The following CNTNAP5 variants were observed in gnomAD, a reference collection of about 807,000 sequenced individuals.
CNTNAP5 encodes the protein contactin-associated protein-like 5.
In CNTNAP5, 72 loss-of-function variants were observed where a neutral mutation model predicts 150.2. The observed-to-expected ratio is 0.48, with a 90% CI of 0.40 to 0.58. CNTNAP5 has a LOEUF of 0.58. Among genes scored for constraint, CNTNAP5 ranks in the 20% least tolerant of loss-of-function variants. The probability of loss-of-function intolerance (pLI) is 0.00; values close to 1 mark genes in which losing one functional copy is unlikely to be tolerated. For missense variants in CNTNAP5, 1,636 were observed against 1,626.2 expected (o/e 1.01, Z -0.10); for synonymous variants, 672 against 619.8 (o/e 1.08, Z -1.25).
chr2:124,366,814 C>T (rs1209157424), intron 3 of CNTNAP5, among the ~76,000 whole-genome samples: 1 of 152,090 alleles, frequency 6.6e-6, no homozygotes, highest in African/African-American at 2.4e-5. Flanking sequence ...CTTATCCCAG[C>T]CTCGCTCCTA....
At chr2:124,633,756 C>A (rs547505587) in intron 12 of CNTNAP5, among the ~76,000 whole-genome samples, 1 of 152,306 alleles carries the variant, frequency 6.6e-6, no homozygotes, top group Admixed American at 6.5e-5. Context: ...TACAGGCTTT[C>A]CAAATAATTT....
chr2:124,096,267 T>C (rs1016704568), intron 1 of CNTNAP5, among the ~76,000 whole-genome samples: 4 of 152,208 alleles, frequency 2.6e-5, no homozygotes, highest in Non-Finnish European at 5.9e-5. Context: ...CTGAATTTTT[T>C]TCATATTTTA....
At chr2:124,226,817 A>T (rs1370925590) in intron 2 of CNTNAP5, among the ~76,000 whole-genome samples, 1 of 152,092 alleles carries the variant, frequency 6.6e-6, no homozygotes, top group Non-Finnish European at 1.5e-5. Context: ...CAGAGTCTCG[A>T]GACAGCCCAG....
At chr2:124,829,924 G>A (rs1265247813) in intron 19 of CNTNAP5, among the ~76,000 whole-genome samples, 1 of 151,484 alleles carries the variant, frequency 6.6e-6, no homozygotes, top group Non-Finnish European at 1.5e-5. Flanking sequence ...CTTTTATAAA[G>A]TTTATGTAGT....
rs189728697 is a variant in CNTNAP5, at chr2:124,648,178, T to C, written c.2077+220T>C. 1.8e-4 allele frequency among the ~76,000 whole-genome samples: 28 copies of C among 152,278 alleles called. No homozygotes were observed. The East Asian group carries it at 4.6e-3, about 25-fold the overall frequency. ...TCTGTCACCTTTCAAAGTTTTCTCC[T>C]CATCATAAAGAAAACGATTCCAACA... On this transcript the variant is annotated intron_variant, in intron 13 of 23. Transcript: ENST00000682447.
At chr2:124,224,453 A>G (rs1686406290) in intron 2 of CNTNAP5, among the ~76,000 whole-genome samples, 1 of 152,154 alleles carries the variant, frequency 6.6e-6, no homozygotes, top group South Asian at 2.1e-4. Flanking sequence ...ATGTATTTCT[A>G]CTATAATAAA....
At chr2:124,084,278 T>G (rs1682627590) in intron 1 of CNTNAP5, among the ~76,000 whole-genome samples, 1 of 152,046 alleles carries the variant, frequency 6.6e-6, no homozygotes, top group South Asian at 2.1e-4. Flanking sequence ...GAGGTTTTTT[T>G]TTTTTCCTCA....
chr2:124,582,304 C>T (rs1443125885), intron 11 of CNTNAP5, among the ~76,000 whole-genome samples: 3 of 152,128 alleles, frequency 2.0e-5, no homozygotes, highest in Non-Finnish European at 1.5e-5. Context: ...TTGTTGCTCA[C>T]CTGGCTTTAC....
intron 19 of CNTNAP5, among the ~76,000 whole-genome samples, chr2:124,818,276 G>T (rs185905523): frequency 3.3e-5 from 5 of 152,254 alleles, no homozygotes; most frequent in Admixed American, 2.6e-4. Context: ...GGAAGTATTA[G>T]GTAACTGGCT....
intron 3 of CNTNAP5, among the ~76,000 whole-genome samples, chr2:124,329,540 C>T (rs915719421): frequency 6.6e-6 from 1 of 152,072 alleles, no homozygotes; most frequent in African/African-American, 2.4e-5. Context: ...AAGCTCCATA[C>T]CTTGGTATAT....
intron 7 of CNTNAP5, among the ~76,000 whole-genome samples, chr2:124,489,890 G>T (rs372839546): frequency 6.6e-6 from 1 of 152,084 alleles, no homozygotes; most frequent in Non-Finnish European, 1.5e-5. Context: ...CCCATCCAAT[G>T]CTCCTTCCAT....
intron 3 of CNTNAP5, among the ~76,000 whole-genome samples, chr2:124,362,189 G>A (rs994937354): frequency 1.3e-4 from 20 of 152,322 alleles, no homozygotes; most frequent in East Asian, 5.8e-4. Flanking sequence ...GCGCGAACCC[G>A]CTGACCTGCG....
intron 3 of CNTNAP5, among the ~76,000 whole-genome samples, chr2:124,356,751 A>G (rs1424408799): frequency 1.3e-5 from 2 of 151,900 alleles, no homozygotes; most frequent in South Asian, 4.2e-4. Flanking sequence ...ATTGTGAATA[A>G]TGCCACAATA....
At chr2:124,725,647 C>A (rs530733013) in intron 13 of CNTNAP5, among the ~76,000 whole-genome samples, 3 of 151,984 alleles carry the variant, frequency 2.0e-5, no homozygotes, top group Non-Finnish European at 4.4e-5. Flanking sequence ...AGTTATCATG[C>A]CACATATTAG....
intron 13 of CNTNAP5, among the ~76,000 whole-genome samples, chr2:124,651,953 C>A (rs1678332319): frequency 6.6e-6 from 1 of 152,150 alleles, no homozygotes; most frequent in Non-Finnish European, 1.5e-5. Context: ...AGCAAGGGCT[C>A]TGGTTCCATT....
chr2:124,031,953 GT>G (rs966714422), intron 1 of CNTNAP5, among the ~76,000 whole-genome samples: 12 of 152,008 alleles, frequency 7.9e-5, no homozygotes, highest in Non-Finnish European at 1.0e-4. Flanking sequence ...AATGTTAATA[GT>G]TTTTTTGTGT....
rs538695013 is a variant in CNTNAP5, at chr2:124,107,226, AG to A, written c.82+81495del. On this transcript the variant is annotated intron_variant, in intron 1 of 23. Coordinates refer to ENST00000682447, the MANE Select transcript of CNTNAP5 (RefSeq NM_001367498.1). ...CTCAGGGCTGGCAGTGAGGAAGAAA[AG>A]CTGGACCTGGAATTGAGAACAATGA... Among the ~76,000 whole-genome samples the A allele has an allele frequency of 2.2e-4, 34 of 152,258 alleles. No individual in the cohort carries two copies. The South Asian group carries it at 4.6e-3, about 20-fold the overall frequency.
intron 3 of CNTNAP5, among the ~76,000 whole-genome samples, chr2:124,412,652 G>A (rs1310637966): frequency 9.9e-5 from 13 of 130,724 alleles, no homozygotes; most frequent in Admixed American, 6.9e-4. Context: ...TTTAATAAAC[G>A]GTGCTGGGAA....
At chr2:124,661,133 G>T (rs974156584) in intron 13 of CNTNAP5, among the ~76,000 whole-genome samples, 1 of 151,808 alleles carries the variant, frequency 6.6e-6, no homozygotes, top group Non-Finnish European at 1.5e-5. Context: ...GCACACTTAG[G>T]CTACACTACA....
Sources: allele counts gnomAD v4.1 joint callset (sites outside exome capture counted in the v4.1 genomes callset), GRCh38; gene constraint gnomAD v4.1.1; transcripts MANE v1.5; gene names NCBI Gene and HGNC (gene_info 2026-07-23, HGNC 2026-07-21).